Variants in CNBD1 observed in about 807,000 individuals in gnomAD.
CNBD1 encodes the protein cyclic nucleotide-binding domain-containing protein 1.
CNBD1 carries 71 observed loss-of-function variants against 54.4 expected under a neutral mutation model. That is an observed-to-expected ratio of 1.30 (90% confidence interval 1.08 to 1.59). The LOEUF is 1.59. Ranked by LOEUF, CNBD1 falls within the 40% of genes most tolerant of loss-of-function variation. The probability of loss-of-function intolerance (pLI) is 0.00; values close to 1 mark genes in which losing one functional copy is unlikely to be tolerated. For synonymous variants in CNBD1, 182 were observed against 170.7 expected (o/e 1.07, Z -0.51); for missense variants, 659 against 518.0 (o/e 1.27, Z -2.64).
intron 1 of CNBD1, among the ~76,000 whole-genome samples, chr8:86,874,168 T>G (rs1020639950): frequency 2.6e-5 from 4 of 152,198 alleles, no homozygotes; most frequent in Admixed American, 6.5e-5. Context: ...GCTTTGTTCT[T>G]TTTTCTTCAG....
chr8:87,384,165 A>G (rs1410627379), downstream of CNBD1, among the ~76,000 whole-genome samples: 5 of 152,000 alleles, frequency 3.3e-5, no homozygotes, highest in African/African-American at 1.2e-4. Flanking sequence ...ATTATGTGTT[A>G]TTTCCATGCA....
chr8:87,288,963 C>A (rs763110203), intron 8 of CNBD1, among the ~76,000 whole-genome samples: 6 of 151,956 alleles, frequency 3.9e-5, no homozygotes, highest in Non-Finnish European at 8.8e-5. Context: ...ATCTAATTTT[C>A]TTTTATGGTA....
chr8:87,380,750 TA>T (rs1339628589), intron 10 of CNBD1, among the ~76,000 whole-genome samples: 1 of 151,986 alleles, frequency 6.6e-6, no homozygotes, highest in African/African-American at 2.4e-5. Flanking sequence ...AAGTTTATTC[TA>T]AGTATTTTAT....
chr8:87,381,336 C>T (rs1230672741), intron 10 of CNBD1, among the ~76,000 whole-genome samples: 1 of 152,004 alleles, frequency 6.6e-6, no homozygotes, highest in East Asian at 1.9e-4. Context: ...TGAAATATTA[C>T]CTCATACCTA....
intron 6 of CNBD1, among the ~76,000 whole-genome samples, chr8:87,272,962 A>G (rs1175579292): frequency 6.6e-6 from 1 of 151,936 alleles, no homozygotes; most frequent in Non-Finnish European, 1.5e-5. Context: ...GCTTATAGTT[A>G]TATTTTTTAC....
At chr8:87,416,168 AAC>A (rs1280536251) in intron 2 of CNBD1, among the ~76,000 whole-genome samples, 4 of 152,014 alleles carry the variant, frequency 2.6e-5, no homozygotes, top group African/African-American at 9.7e-5. Context: ...ATTTGACAAA[AAC>A]ACACAAAAAA....
chr8:87,360,167 AT>A (rs1810498534), intron 10 of CNBD1, among the ~76,000 whole-genome samples: 1 of 152,006 alleles, frequency 6.6e-6, no homozygotes, highest in East Asian at 1.9e-4. Context: ...GTACTTCAAG[AT>A]AGGTAGAATA....
downstream of CNBD1, among the ~76,000 whole-genome samples, chr8:87,387,514 A>T (rs186899748): frequency 4.1e-3 from 618 of 152,336 alleles, 4 homozygotes; most frequent in Middle Eastern, 0.024. Flanking sequence ...AAAGAAAGCC[A>T]TTACATAATG....
At position 86,867,866 on chromosome 8, in the gene CNBD1, G is replaced by T. The variant is rs531086062; in HGVS notation, c.88+1283G>T. ...TGCCTCCCAAGGACACTTAACTTCT[G>T]TGAAGTGATTAAAAGACGAAAAATC... On this transcript the variant is annotated intron_variant, in intron 1 of 10. Coordinates refer to ENST00000518476, the MANE Select transcript of CNBD1 (RefSeq NM_173538.3). 6.6e-5 allele frequency among the ~76,000 whole-genome samples: 10 copies of T among 152,298 alleles called. No individual in the cohort carries two copies. In the South Asian group the frequency reaches 2.1e-3, roughly 32 times the overall value.
intron 4 of CNBD1, among the ~76,000 whole-genome samples, chr8:86,952,183 T>C (rs1332422355): frequency 6.6e-6 from 1 of 152,166 alleles, no homozygotes; most frequent in Admixed American, 6.6e-5. Flanking sequence ...TGATGTCTCA[T>C]ATCTCCCTAT....
intron 4 of CNBD1, among the ~76,000 whole-genome samples, chr8:87,058,994 A>C (rs1193016646): frequency 4.6e-5 from 7 of 152,170 alleles, no homozygotes. Context: ...ACTAGTTAGA[A>C]ATTTCTTCCA....
intron 6 of CNBD1, among the ~76,000 whole-genome samples, chr8:87,268,581 C>G (rs1412423211): frequency 6.6e-6 from 1 of 151,984 alleles, no homozygotes; most frequent in Non-Finnish European, 1.5e-5. Context: ...GGGAATGTAA[C>G]CTCACCAACA....
At chr8:87,046,767 G>A (rs1057273939) in intron 4 of CNBD1, among the ~76,000 whole-genome samples, 1 of 152,200 alleles carries the variant, frequency 6.6e-6, no homozygotes. Context: ...CCTGCTGACA[G>A]ATGGAGCTTT....
chr8:87,156,546 C>T (rs960593998), intron 4 of CNBD1, among the ~76,000 whole-genome samples: 17 of 151,800 alleles, frequency 1.1e-4, no homozygotes, highest in African/African-American at 3.1e-4. Context: ...ACCTGGCCTC[C>T]CATGATACTT....
chr8:86,889,047 C>T (rs542095528), intron 2 of CNBD1, among the ~76,000 whole-genome samples: 3 of 152,204 alleles, frequency 2.0e-5, no homozygotes, highest in African/African-American at 7.2e-5. Flanking sequence ...CTGCCTGACT[C>T]CCTCTAGTAA....
At chr8:86,896,394 A>G (rs1288607195) in intron 2 of CNBD1, among the ~76,000 whole-genome samples, 2 of 152,142 alleles carry the variant, frequency 1.3e-5, no homozygotes, top group Non-Finnish European at 2.9e-5. Flanking sequence ...GATAATATGA[A>G]CATTCTAACA....
At chr8:87,139,932 G>A (rs1372334664) in intron 4 of CNBD1, among the ~76,000 whole-genome samples, 1 of 152,082 alleles carries the variant, frequency 6.6e-6, no homozygotes, top group Non-Finnish European at 1.5e-5. Context: ...ATGGAGGCTT[G>A]AATTACAGAA....
At chr8:87,246,948 G>A (rs1008474506) in intron 6 of CNBD1, among the ~76,000 whole-genome samples, 2 of 151,876 alleles carry the variant, frequency 1.3e-5, no homozygotes, top group African/African-American at 4.8e-5. Flanking sequence ...GGAACTAGAC[G>A]GTCCCATCTG....
chr8:87,222,072 A>G, intron 5 of CNBD1, among the ~76,000 whole-genome samples: 1 of 152,156 alleles, frequency 6.6e-6, no homozygotes, highest in Admixed American at 6.6e-5. Flanking sequence ...TTTAGACCTT[A>G]TAAAGAGATT....
Sources: allele counts gnomAD v4.1 joint callset (sites outside exome capture counted in the v4.1 genomes callset), GRCh38; gene constraint gnomAD v4.1.1; transcripts MANE v1.5; gene names NCBI Gene and HGNC (gene_info 2026-07-23, HGNC 2026-07-21).